The following METTL25 variants were observed in gnomAD, a reference collection of about 807,000 sequenced individuals.
METTL25 encodes the protein methyltransferase like 25.
A neutral mutation model predicts 71.6 loss-of-function variants in METTL25; 64 were observed. That is an observed-to-expected ratio of 0.89 (90% CI 0.73 to 1.10). The LOEUF (loss-of-function observed/expected upper bound fraction) is 1.10. Among genes scored for constraint, METTL25 ranks in the 50% least tolerant of loss-of-function variants. The pLI is 0.00. For synonymous variants in METTL25, 287 were observed against 250.3 expected, an observed-to-expected ratio of 1.15 and a Z score of -1.38; for missense variants, 807 against 707.0, an observed-to-expected ratio of 1.14 and a Z score of -1.60.
chr12:82,419,066 A>G (rs988717057), intron 5 of METTL25, among the ~76,000 whole-genome samples: 5 of 152,158 alleles, frequency 3.3e-5, no homozygotes, highest in African/African-American at 7.2e-5. Context: ...CAAATTGTCA[A>G]GATAATAGGA....
intron 3 of METTL25, among the ~76,000 whole-genome samples, chr12:82,394,530 T>C (rs114483979): frequency 4.5e-4 from 68 of 152,144 alleles, no homozygotes; most frequent in African/African-American, 1.6e-3. Context: ...TCATTCATAC[T>C]TGCATGCATT....
intron 8 of METTL25, among the ~76,000 whole-genome samples, chr12:82,449,856 A>G (rs1003369649): frequency 6.6e-6 from 1 of 151,958 alleles, no homozygotes; most frequent in Non-Finnish European, 1.5e-5. Context: ...TCTTTCCTTT[A>G]TAGCAAAATT....
intron 4 of METTL25, among the ~76,000 whole-genome samples, chr12:82,400,802 T>C (rs140847338): frequency 1.1e-3 from 162 of 152,228 alleles, no homozygotes; most frequent in Admixed American, 5.3e-3. Context: ...TACTTAAATA[T>C]TTTACTAGTA....
chr12:82,385,362 A>G (rs538106276), intron 1 of METTL25, among the ~76,000 whole-genome samples: 1 of 152,246 alleles, frequency 6.6e-6, no homozygotes, highest in Admixed American at 6.5e-5. Flanking sequence ...AAGATTAGCT[A>G]TGCTGGAGAA....
At chr12:82,386,729 TTTG>T (rs1885060166) in intron 1 of METTL25, 71 bp from the exon 2 acceptor site, 5 of 1,224,122 alleles carry the variant, frequency 4.1e-6, no homozygotes, top group Non-Finnish European at 3.5e-6. Flanking sequence ...TAAGTGTTCA[TTTG>T]TTGTTTATTA....
chr12:82,377,128 A>T (rs1883955408), intron 1 of METTL25, among the ~76,000 whole-genome samples: 1 of 152,146 alleles, frequency 6.6e-6, no homozygotes, highest in Non-Finnish European at 1.5e-5. Context: ...AAAAAAAGAA[A>T]GAAAGAAAAT....
At chr12:82,446,723 TCTC>T (rs1331990017) in intron 8 of METTL25, among the ~76,000 whole-genome samples, 3 of 151,742 alleles carry the variant, frequency 2.0e-5, no homozygotes, top group Non-Finnish European at 4.4e-5. Context: ...TTCAAGCTAT[TCTC>T]CTGCCTCAGC....
At chr12:82,373,628 G>A (rs1051817951) in intron 1 of METTL25, among the ~76,000 whole-genome samples, 56 of 152,142 alleles carry the variant, frequency 3.7e-4, no homozygotes, top group Non-Finnish European at 7.9e-4. Context: ...AGTGAGTCTC[G>A]CTGGGGCGAC....
chr12:82,436,208 A>C (rs1889905404), intron 7 of METTL25, among the ~76,000 whole-genome samples: 1 of 151,404 alleles, frequency 6.6e-6, no homozygotes, highest in African/African-American at 2.4e-5. Context: ...TATAGAGCAA[A>C]AGTTTAATAG....
intron 8 of METTL25, among the ~76,000 whole-genome samples, chr12:82,447,301 A>G (rs1890827672): frequency 6.6e-6 from 1 of 152,184 alleles, no homozygotes. Flanking sequence ...AAGAATGATC[A>G]ATAGCAGCAA....
intron 1 of METTL25, among the ~76,000 whole-genome samples, chr12:82,385,489 G>T (rs1461386267): frequency 6.6e-6 from 1 of 152,054 alleles, no homozygotes; most frequent in South Asian, 2.1e-4. Context: ...TAAGATGTGT[G>T]TTTTTTTGAA....
intron 8 of METTL25, among the ~76,000 whole-genome samples, chr12:82,446,137 G>T (rs770785714): frequency 6.6e-6 from 1 of 152,154 alleles, no homozygotes; most frequent in Non-Finnish European, 1.5e-5. Context: ...AATTGTAAAT[G>T]TATGTGCACC....
intron 1 of METTL25, among the ~76,000 whole-genome samples, chr12:82,379,865 C>G (rs1884255079): frequency 6.6e-6 from 1 of 152,172 alleles, no homozygotes; most frequent in South Asian, 2.1e-4. Context: ...CTTCATTCTG[C>G]TGATGGAGAT....
intron 3 of METTL25, among the ~76,000 whole-genome samples, chr12:82,396,583 A>G (rs968077990): frequency 2.0e-5 from 3 of 152,064 alleles, no homozygotes; most frequent in Admixed American, 6.6e-5. Flanking sequence ...ATGAAATGAC[A>G]TGGCAATTAT....
intron 3 of METTL25, among the ~76,000 whole-genome samples, chr12:82,396,662 A>G (rs1255465437): frequency 6.6e-6 from 1 of 152,042 alleles, no homozygotes; most frequent in Non-Finnish European, 1.5e-5. Flanking sequence ...CACCAACTCT[A>G]GCTTTGATAA....
rs1251697088 is a variant in METTL25, at chr12:82,384,693, A to G, written c.260-2110A>G. Among the ~76,000 whole-genome samples, 4 of 152,120 alleles carry G rather than the reference A, an allele frequency of 2.6e-5. No homozygotes were observed. In the East Asian group the frequency reaches 7.7e-4, roughly 29 times the overall value. Reference sequence around the variant, plus strand: ...TGAAATTGCTGAGACCTGTACTTAAAGGAAATTAACAGCATTTAATTCATG... The same window carrying G: ...TGAAATTGCTGAGACCTGTACTTAAGGGAAATTAACAGCATTTAATTCATG... On this transcript the variant is annotated intron_variant, in intron 1 of 11. Transcript: ENST00000248306.
rs200598895 is a variant in METTL25 at position 82,399,386 on chromosome 12, G to C, written c.1123G>C (p.Asp375His). The C allele has an allele frequency of 2.2e-5, 34 of 1,564,818 alleles. No homozygotes were observed. The highest frequency in any genetic ancestry group is 2.9e-5 in the Non-Finnish European group (34 of 1,161,402). Residue 375 changes from aspartate (D) to histidine (H), a missense_variant, in exon 4 of 12, where the codon GAT (aspartate) becomes CAT (histidine). Physicochemically the swap from Asp to His is moderately conservative, Grantham distance 81. Coordinates refer to ENST00000248306, the MANE Select transcript of METTL25 (RefSeq NM_032230.3). ...ADSELHDIIKDLEDCLMVGLH... is the reference protein window; with the variant it reads ...ADSELHDIIKHLEDCLMVGLH... ...TTCAGAACTCCATGACATTATTAAAGATTTGGAGGTGACTTTACCTTTGAA... is the reference window on the plus strand; with the variant it reads ...TTCAGAACTCCATGACATTATTAAACATTTGGAGGTGACTTTACCTTTGAA...
At chr12:82,460,188 C>T (rs943185025) in intron 9 of METTL25, among the ~76,000 whole-genome samples, 2 of 152,154 alleles carry the variant, frequency 1.3e-5, no homozygotes, top group African/African-American at 4.8e-5. Flanking sequence ...CTAAAAGTTA[C>T]AGTATATGGT....
chr12:82,409,166 T>A (rs537918911), intron 5 of METTL25, among the ~76,000 whole-genome samples: 2 of 152,258 alleles, frequency 1.3e-5, no homozygotes, highest in African/African-American at 4.8e-5. Context: ...GTCATGAATG[T>A]CAGTTTTCAA....
Sources: allele counts gnomAD v4.1 joint callset (sites outside exome capture counted in the v4.1 genomes callset), GRCh38; gene constraint gnomAD v4.1.1; transcripts MANE v1.5; gene names NCBI Gene and HGNC (gene_info 2026-07-23, HGNC 2026-07-21).